The following PDXDC1 variants were observed in gnomAD, a reference collection of about 807,000 sequenced individuals.
PDXDC1 encodes pyridoxal-dependent decarboxylase domain-containing protein 1.
Under a neutral mutation model 100.1 loss-of-function variants are expected in PDXDC1, and 42 were observed. The ratio of observed to expected loss-of-function variants is 0.42; its 90% CI spans 0.33 to 0.54. PDXDC1 has a LOEUF of 0.54. Ranked by LOEUF, PDXDC1 falls within the 20% of genes least tolerant of loss-of-function variation. The pLI is 0.10. For missense variants in PDXDC1, 636 were observed against 979.2 expected (o/e 0.65, Z 4.68); for synonymous variants, 260 against 371.7 (o/e 0.70, Z 3.46).
rs11376559 is a variant in PDXDC1, at chr16:15,037,797, CA to C, written c.*1532del. On this transcript the variant is annotated 3_prime_UTR_variant, in exon 23 of 23. Coordinates refer to ENST00000396410, the MANE Select transcript of PDXDC1 (RefSeq NM_015027.4). ...TTCTCCTCTGCCCGTTATTACCGAC[CA>C]AAAAAAAAACTGGACATCAATTTTT... is the stretch of plus-strand genomic sequence containing the variant. The C allele has an allele frequency of 1.1e-3, 424 of 399,892 alleles. No individual in the cohort carries two copies. Among genetic ancestry groups the C allele is most frequent in the Middle Eastern group, 2.7e-3 (4 of 1,506 alleles). 24.8% of individuals were successfully genotyped at this position (399,892 alleles called of 1,614,324 possible).
At chr16:15,078,460 G>A (rs1173886218) in intron 16 of PDXDC1, among the ~76,000 whole-genome samples, 13 of 151,908 alleles carry the variant, frequency 8.6e-5, no homozygotes, top group African/African-American at 1.2e-4. Flanking sequence ...CAGTTTCTGC[G>A]TCTTCACTGA....
intron 16 of PDXDC1, among the ~76,000 whole-genome samples, chr16:15,097,773 C>G (rs545052312): frequency 3.2e-4 from 48 of 152,148 alleles, no homozygotes; most frequent in African/African-American, 8.9e-4. Context: ...GCTTTCCTCC[C>G]AAAAATAGTC....
intron 16 of PDXDC1, among the ~76,000 whole-genome samples, chr16:15,109,508 T>C (rs934377070): frequency 2.7e-5 from 4 of 148,100 alleles, no homozygotes; most frequent in African/African-American, 9.8e-5. Context: ...AATACAAAAA[T>C]TATCTGGGCA....
At chr16:15,046,304 G>T (rs927263902) in intron 16 of PDXDC1, among the ~76,000 whole-genome samples, 19 of 152,088 alleles carry the variant, frequency 1.2e-4, no homozygotes, top group African/African-American at 4.3e-4. Flanking sequence ...GTATATGATG[G>T]GAGTAGTTCA....
At chr16:15,002,918 A>C (rs1265267340) in intron 4 of PDXDC1, among the ~76,000 whole-genome samples, 3 of 152,166 alleles carry the variant, frequency 2.0e-5, no homozygotes, top group Admixed American at 2.0e-4. Context: ...TTAAATTATG[A>C]ACCAAGTGAC....
At chr16:14,984,509 T>G (rs1443320539) in intron 1 of PDXDC1, among the ~76,000 whole-genome samples, 1 of 135,462 alleles carries the variant, frequency 7.4e-6, no homozygotes. Context: ...TTTTTTTTTT[T>G]TTTTCTGAGA....
Position 15,061,550 on chromosome 16 carries a change from G to A in PDXDC1, c.1399+31494G>A, listed in dbSNP as rs11551276. The A allele has an allele frequency of 0.11, 50,439 of 479,256 alleles. 3,042 individuals carry two copies. The highest frequency in any genetic ancestry group is 0.19 in the East Asian group (6,178 of 32,528). 29.7% of individuals were successfully genotyped at this position (479,256 alleles called of 1,614,324 possible). A position where few individuals can be genotyped will look rare whatever the true frequency, so the allele number is the denominator to read the frequency against. On this transcript the variant is annotated intron_variant, in intron 16 of 16. Coordinates refer to the PDXDC1 transcript ENST00000535621. Reference sequence around the variant, plus strand: ...GCACATGATAGTCTTCATTTTGTCTGTAAGGGGAACAACAACAACAAAAAA... The same window carrying A: ...GCACATGATAGTCTTCATTTTGTCTATAAGGGGAACAACAACAACAAAAAA...
intron 16 of PDXDC1, chr16:15,133,370 A>G (rs2048200573): frequency 1.9e-6 from 2 of 1,048,304 alleles, no homozygotes; most frequent in Non-Finnish European, 2.9e-6. Context: ...GTGCAGCCAG[A>G]CTGTGAGCCC....
downstream of PDXDC1, chr16:15,041,812 C>T (rs2043828135): frequency 8.5e-6 from 6 of 706,386 alleles, no homozygotes; most frequent in South Asian, 7.0e-5. Context: ...CCCACACTGC[C>T]ACAGCCTGGC....
chr16:15,041,114 AT>A, downstream of PDXDC1: 1 of 1,550,576 alleles, frequency 6.4e-7, no homozygotes, highest in Non-Finnish European at 8.9e-7. Flanking sequence ...CTTCCCGGTC[AT>A]TTAATTCTAC....
rs1289476282 is a variant in PDXDC1, at chr16:15,032,991, CT to C, written c.1690+15del. 7.0e-7 allele frequency: 1 copy of C among 1,434,226 alleles called. No homozygotes were observed. Among genetic ancestry groups the C allele is most frequent in the Non-Finnish European group, 9.8e-7 (1 of 1,015,528 alleles). The allele number at this position is 1,434,226 out of a possible 1,614,324, so 88.8% of individuals were successfully genotyped here. Reference sequence around the variant, plus strand: ...AACCTTTAAAATAGGTAACTGCTTACTTTGTAAGTCAGCTGTGGGGTTTGGA... The same window carrying C: ...AACCTTTAAAATAGGTAACTGCTTACTTGTAAGTCAGCTGTGGGGTTTGGA... On this transcript the variant is annotated intron_variant, in intron 18 of 22. Transcript: ENST00000396410.
At position 15,036,204 on chromosome 16, in the gene PDXDC1, G is replaced by C. The variant is rs1477416944; in HGVS notation, c.2296G>C (p.Ala766Pro). The C allele has an allele frequency of 3.1e-6, 5 of 1,614,014 alleles. No homozygotes were observed. The African/African-American group carries it at 4.0e-5, about 13-fold the overall frequency. ...PSPQHTDQTEAFQKGVPHPED... is the reference protein window; with the variant it reads ...PSPQHTDQTEPFQKGVPHPED... ...CCCTCAGCACACCGACCAGACCGAG[G>C]CCTTCCAGAAAGGGGTCCCACACCC... The change falls in exon 23 of 23, where the codon GCC (alanine) becomes CCC (proline). Residue 766 changes from alanine (A) to proline (P), a missense_variant. This residue lies in a region of PDXDC1 where 452 missense variants were observed against 402.9 expected (regional missense o/e 1.12). Transcript: ENST00000396410.
Position 15,036,647 on chromosome 16 carries a change from C to CG in PDXDC1, c.*372_*373insG. 2 of 257,126 alleles carry CG rather than the reference C, an allele frequency of 7.8e-6. No homozygotes were observed. Among genetic ancestry groups the CG allele is most frequent in the Admixed American group, 5.0e-5 (1 of 19,988 alleles). The allele number at this position is 257,126 out of a possible 1,614,324, so 15.9% of individuals were successfully genotyped here. A position where few individuals can be genotyped will look rare whatever the true frequency, so the allele number is the denominator to read the frequency against. On this transcript the variant is annotated 3_prime_UTR_variant, in exon 23 of 23. Coordinates refer to ENST00000396410, the MANE Select transcript of PDXDC1 (RefSeq NM_015027.4). ...TTTTGGTAAAACAGCTTTTCATTAGCACTCTCCAGGTTCTCTGCAACACTT... is the reference window on the plus strand; with the variant it reads ...TTTTGGTAAAACAGCTTTTCATTAGCGACTCTCCAGGTTCTCTGCAACACTT...
In PDXDC1 at chr16:15,135,374, G is replaced by A. The variant is rs1183466702; in HGVS notation, c.1400-3505G>A. 3.3e-6 allele frequency: 5 copies of A among 1,525,304 alleles called. No individual in the cohort carries two copies. The East Asian group carries it at 1.2e-4, about 37-fold the overall frequency. 94.5% of individuals were successfully genotyped at this position (1,525,304 alleles called of 1,614,324 possible). On this transcript the variant is annotated intron_variant, in intron 16 of 16. Transcript: ENST00000535621. ...AGCCGCCAGCCGTTCCCGTGGAATG[G>A]TGACCGTGCTGCTCCCGCGGGGCCC...
downstream of PDXDC1, among the ~76,000 whole-genome samples, chr16:15,143,208 T>G: frequency 6.6e-6 from 1 of 152,082 alleles, no homozygotes; most frequent in South Asian, 2.1e-4. Flanking sequence ...GCGGGCTCCT[T>G]AGCGGCTGCT....
intron 6 of PDXDC1, among the ~76,000 whole-genome samples, chr16:15,007,709 G>T (rs1487343873): frequency 6.6e-6 from 1 of 152,280 alleles, no homozygotes; most frequent in African/African-American, 2.4e-5. Context: ...TCCTCTTCTT[G>T]AGGGGTGTAC....
At chr16:15,023,649 T>C (rs1190028227) in intron 13 of PDXDC1, among the ~76,000 whole-genome samples, 1 of 152,252 alleles carries the variant, frequency 6.6e-6, no homozygotes, top group African/African-American at 2.4e-5. Context: ...ACAGAGACCC[T>C]GTCTCAAGGA....
At chr16:15,048,212 G>T in intron 16 of PDXDC1, 1 of 687,830 alleles carries the variant, frequency 1.5e-6, no homozygotes, top group Non-Finnish European at 2.5e-6. Context: ...TAGTGTGTGG[G>T]GAGTGTGTTA....
downstream of PDXDC1, chr16:15,041,501 CG>C: frequency 5.1e-6 from 4 of 778,570 alleles, no homozygotes; most frequent in Non-Finnish European, 4.7e-6. Flanking sequence ...CAGGAAGAGC[CG>C]GAACAGATGG....
Sources: gnomAD v4.1 joint callset for allele counts (sites outside exome capture counted in the v4.1 genomes callset) on GRCh38, gnomAD v4.1.1 for gene constraint, gnomAD v4.1.1 regional missense constraint, MANE v1.5 for transcripts, NCBI Gene and HGNC (gene_info 2026-07-23, HGNC 2026-07-21) for gene names.